OPHN1: variants seen among roughly 807,000 people sequenced by gnomAD.
OPHN1 encodes the protein oligophrenin-1.
In OPHN1, 11 loss-of-function variants were observed where a neutral mutation model predicts 60.7. The observed-to-expected ratio is 0.18, with a 90% CI of 0.11 to 0.30. The LOEUF (loss-of-function observed/expected upper bound fraction) is 0.30. Among genes scored for constraint, OPHN1 ranks in the 10% least tolerant of loss-of-function variants. The pLI, the probability that OPHN1 is intolerant of heterozygous loss-of-function variation, is 1.00. For missense variants in OPHN1, 449 were observed against 611.0 expected (o/e 0.73, Z 2.80); for synonymous variants, 226 against 222.6 (o/e 1.02, Z -0.14).
rs1253141131 is a variant in OPHN1 at position 68,124,326 on chromosome X, G to T, written c.1277-4994C>A. 6.3e-5 allele frequency among the ~76,000 whole-genome samples: 7 copies of T among 110,289 alleles called. No individual in the cohort carries two copies. The East Asian group carries it at 2.0e-3, about 32-fold the overall frequency. ...CAGAAGATCATTATGACCCCATAAC[G>T]ATAAAGGGGTCAATTTAGCAAGAGG... On this transcript the variant is annotated intron_variant, in intron 15 of 24. Transcript: ENST00000355520.
intron 15 of OPHN1, among the ~76,000 whole-genome samples, chrX:68,148,391 A>G (rs900825328): frequency 9.0e-6 from 1 of 110,575 alleles, no homozygotes; most frequent in Non-Finnish European, 1.9e-5. Context: ...CTGTGTTATC[A>G]TATCTCCTCA....
intron 5 of OPHN1, among the ~76,000 whole-genome samples, chrX:68,262,885 C>A: frequency 1.1e-5 from 1 of 94,382 alleles, no homozygotes; most frequent in South Asian, 5.1e-4. Flanking sequence ...AGGAAAGGAA[C>A]AAATGTCCAT....
At chrX:68,231,641 A>G (rs1253030795) in intron 6 of OPHN1, among the ~76,000 whole-genome samples, 1 of 112,077 alleles carries the variant, frequency 8.9e-6, no homozygotes, top group Non-Finnish European at 1.9e-5. Context: ...TCAAGTCAAG[A>G]AAAGATATGG....
At chrX:68,294,686 C>A (rs1301118223) in intron 3 of OPHN1, among the ~76,000 whole-genome samples, 4 of 110,221 alleles carry the variant, frequency 3.6e-5, no homozygotes, top group Admixed American at 1.9e-4. Flanking sequence ...TTAGGAGATT[C>A]AGGCTCTAAT....
chrX:68,277,418 C>G (rs1211741634), intron 4 of OPHN1, among the ~76,000 whole-genome samples: 1 of 112,173 alleles, frequency 8.9e-6, no homozygotes, highest in Non-Finnish European at 1.9e-5. Context: ...GGGTTGGGGA[C>G]CCTGGTTTCA....
At chrX:68,264,647 G>A (rs1480635920) in intron 5 of OPHN1, among the ~76,000 whole-genome samples, 1 of 111,957 alleles carries the variant, frequency 8.9e-6, no homozygotes, top group Non-Finnish European at 1.9e-5. Flanking sequence ...GAGGTACTGG[G>A]TTCATCTCAC....
intron 15 of OPHN1, among the ~76,000 whole-genome samples, chrX:68,182,416 A>T (rs1344093905): frequency 9.2e-6 from 1 of 108,753 alleles, no homozygotes; most frequent in African/African-American, 3.4e-5. Context: ...GAAGGGAGGA[A>T]GGGAGGGAAG....
intron 21 of OPHN1, among the ~76,000 whole-genome samples, chrX:68,058,266 AC>A (rs1445248906): frequency 9.1e-6 from 1 of 109,881 alleles, no homozygotes; most frequent in Non-Finnish European, 1.9e-5. Context: ...TCTAACACAC[AC>A]ACACACACAC....
At chrX:68,296,485 G>T (rs1312463987) in intron 3 of OPHN1, among the ~76,000 whole-genome samples, 1 of 109,243 alleles carries the variant, frequency 9.2e-6, no homozygotes, top group Non-Finnish European at 1.9e-5. Context: ...TGGTGAAACC[G>T]TGTATCTATT....
chrX:68,338,525 A>C (rs2147687401), intron 2 of OPHN1, among the ~76,000 whole-genome samples: 1 of 112,268 alleles, frequency 8.9e-6, no homozygotes, highest in East Asian at 2.8e-4. Flanking sequence ...AAGACAAATT[A>C]GAAAATATTT....
At chrX:68,127,177 A>G (rs1190067445) in intron 15 of OPHN1, among the ~76,000 whole-genome samples, 1 of 111,547 alleles carries the variant, frequency 9.0e-6, no homozygotes, top group Non-Finnish European at 1.9e-5. Context: ...GGAAAAGTCA[A>G]TGTAGTTTAA....
At chrX:68,115,169 G>C (rs1234763357) in intron 16 of OPHN1, among the ~76,000 whole-genome samples, 1 of 112,436 alleles carries the variant, frequency 8.9e-6, no homozygotes, top group Non-Finnish European at 1.9e-5. Context: ...ATTTTAAAAT[G>C]AGATATTTCA....
chrX:68,355,812 G>A (rs771837075), intron 2 of OPHN1, among the ~76,000 whole-genome samples: 2 of 111,549 alleles, frequency 1.8e-5, no homozygotes, highest in South Asian at 3.8e-4. Context: ...CGAGGTGGGC[G>A]GAACACCTGA....
chrX:68,243,993 C>T (rs769329265), intron 5 of OPHN1, among the ~76,000 whole-genome samples: 12 of 112,090 alleles, frequency 1.1e-4, no homozygotes, highest in Non-Finnish European at 2.1e-4. Flanking sequence ...TTAAAAACTT[C>T]CAGGACTCCA....
At chrX:68,268,303 A>C (rs1287105908) in intron 5 of OPHN1, among the ~76,000 whole-genome samples, 1 of 111,721 alleles carries the variant, frequency 9.0e-6, no homozygotes, top group Non-Finnish European at 1.9e-5. Flanking sequence ...AGAATTTTAG[A>C]CCAATATCCC....
chrX:68,096,658 G>C (rs2077039227), intron 19 of OPHN1, among the ~76,000 whole-genome samples: 1 of 111,490 alleles, frequency 9.0e-6, no homozygotes, highest in South Asian at 3.8e-4. Flanking sequence ...ATTTAGCATG[G>C]TGTCTGAAAA....
chrX:68,394,087 G>T (rs2078670758), intron 2 of OPHN1, among the ~76,000 whole-genome samples: 1 of 106,675 alleles, frequency 9.4e-6, no homozygotes, highest in African/African-American at 3.3e-5. Flanking sequence ...AGTAGAGACG[G>T]GGTTTCACCG....
Position 68,370,011 on chromosome X carries a change from A to AATATATAT in OPHN1, c.154+62848_154+62855dup, listed in dbSNP as rs761607454. ...ACAGTGGGATGGCATAAATTGCTGA[A>AATATATAT]ATATATATATATATATATATATATA... is the stretch of plus-strand genomic sequence containing the variant. On this transcript the variant is annotated intron_variant, in intron 2 of 24. Coordinates refer to ENST00000355520, the MANE Select transcript of OPHN1 (RefSeq NM_002547.3). Among the ~76,000 whole-genome samples, 513 of 64,335 alleles carry AATATATAT rather than the reference A, an allele frequency of 8.0e-3. 15 individuals carry two copies. The highest frequency in any genetic ancestry group is 0.014 in the Middle Eastern group (2 of 140). 55.9% of individuals were successfully genotyped at this position (64,335 alleles called of 115,157 possible).
chrX:68,248,300 C>CAAA (rs759781324), intron 5 of OPHN1, among the ~76,000 whole-genome samples: 8 of 99,277 alleles, frequency 8.1e-5, no homozygotes, highest in African/African-American at 2.9e-4. Context: ...AGACATTTCT[C>CAAA]AAAAAAAAAA....
Sources: allele counts gnomAD v4.1 joint callset (sites outside exome capture counted in the v4.1 genomes callset), GRCh38; gene constraint gnomAD v4.1.1; transcripts MANE v1.5; gene names NCBI Gene and HGNC (gene_info 2026-07-23, HGNC 2026-07-21).